Variants in HTR1F observed in about 807,000 individuals in gnomAD.
The protein encoded by HTR1F is 5-hydroxytryptamine receptor 1F.
HTR1F carries 17 observed loss-of-function variants against 24.0 expected under a neutral mutation model. The observed-to-expected ratio is 0.71, with a 90% CI of 0.48 to 1.06. The LOEUF is 1.06. Among genes scored for constraint, HTR1F ranks in the 50% least tolerant of loss-of-function variants. The pLI, the probability that HTR1F is intolerant of heterozygous loss-of-function variation, is 0.00. For missense variants in HTR1F, 391 were observed against 427.8 expected (o/e 0.91, Z 0.76); for synonymous variants, 186 against 156.8 (o/e 1.19, Z -1.39).
At chr3:87,814,561 T>C (rs1226799578) in intron 1 of HTR1F, among the ~76,000 whole-genome samples, 6 of 152,268 alleles carry the variant, frequency 3.9e-5, no homozygotes, top group Admixed American at 2.0e-4. Context: ...AACATTCTAC[T>C]CTGCTCCTTT....
chr3:87,927,315 T>C (rs1704149749), intron 2 of HTR1F, among the ~76,000 whole-genome samples: 1 of 152,076 alleles, frequency 6.6e-6, no homozygotes, highest in Non-Finnish European at 1.5e-5. Context: ...GATCACACGT[T>C]GTTTCATGTT....
chr3:87,914,759 C>A (rs1216407923), intron 2 of HTR1F, among the ~76,000 whole-genome samples: 7 of 152,070 alleles, frequency 4.6e-5, no homozygotes, highest in African/African-American at 1.2e-4. Flanking sequence ...TCCCTACCCA[C>A]CCTGGTAGCT....
At chr3:87,936,759 C>A in intron 2 of HTR1F, among the ~76,000 whole-genome samples, 1 of 152,114 alleles carries the variant, frequency 6.6e-6, no homozygotes, top group East Asian at 1.9e-4. Flanking sequence ...AGCCAGAGCT[C>A]TTAGTAGCAA....
intron 2 of HTR1F, among the ~76,000 whole-genome samples, chr3:87,881,010 G>A (rs531682210): frequency 5.4e-4 from 82 of 152,278 alleles, no homozygotes; most frequent in Admixed American, 1.3e-3. Flanking sequence ...CAGTGTGAGC[G>A]ACACAGAATA....
chr3:87,868,686 C>T (rs184979695), intron 2 of HTR1F, among the ~76,000 whole-genome samples: 48 of 151,616 alleles, frequency 3.2e-4, no homozygotes, highest in Admixed American at 8.5e-4. Flanking sequence ...AGAGAAAAAC[C>T]TCTGTCTACT....
chr3:87,938,548 G>GCTATACTACAAACTATA (rs1245250869), intron 2 of HTR1F, among the ~76,000 whole-genome samples: 1 of 152,080 alleles, frequency 6.6e-6, no homozygotes, highest in Non-Finnish European at 1.5e-5. Context: ...ATACTACAAG[G>GCTATACTACAAACTATA]CTACAGTAAT....
intron 2 of HTR1F, among the ~76,000 whole-genome samples, chr3:87,845,193 C>T (rs1704911540): frequency 6.6e-6 from 1 of 151,646 alleles, no homozygotes; most frequent in South Asian, 2.1e-4. Flanking sequence ...TGCCCTCTCT[C>T]ACCACTCCTA....
At chr3:87,973,493 C>T (rs1422383696) in intron 2 of HTR1F, among the ~76,000 whole-genome samples, 2 of 152,190 alleles carry the variant, frequency 1.3e-5, no homozygotes, top group Non-Finnish European at 2.9e-5. Context: ...ATCTTTTCTA[C>T]TCCTCCCAGG....
At chr3:87,915,907 A>G (rs1703881794) in intron 2 of HTR1F, among the ~76,000 whole-genome samples, 1 of 152,202 alleles carries the variant, frequency 6.6e-6, no homozygotes, top group South Asian at 2.1e-4. Flanking sequence ...CACTGTCATC[A>G]GGTTATCTAA....
chr3:87,929,330 T>C (rs147242769), intron 2 of HTR1F, among the ~76,000 whole-genome samples: 63 of 152,296 alleles, frequency 4.1e-4, no homozygotes, highest in Non-Finnish European at 6.9e-4. Flanking sequence ...TCCACAGTAA[T>C]ATAATTGTAT....
At chr3:87,826,408 T>C (rs997143628) in intron 2 of HTR1F, among the ~76,000 whole-genome samples, 1 of 152,244 alleles carries the variant, frequency 6.6e-6, no homozygotes, top group African/African-American at 2.4e-5. Context: ...TACCCTTGCA[T>C]ATTTTTATGA....
chr3:87,852,883 T>G (rs570352577), intron 2 of HTR1F, among the ~76,000 whole-genome samples: 1 of 151,716 alleles, frequency 6.6e-6, no homozygotes, highest in Non-Finnish European at 1.5e-5. Flanking sequence ...AATCAGAATA[T>G]TTCATTGTTC....
At chr3:87,836,712 AG>A (rs1410268705) in intron 2 of HTR1F, among the ~76,000 whole-genome samples, 2 of 152,282 alleles carry the variant, frequency 1.3e-5, no homozygotes, top group East Asian at 3.9e-4. Context: ...TACCTCCCTG[AG>A]GAAAAAGTTT....
At chr3:87,860,977 C>T (rs1238899069) in intron 2 of HTR1F, among the ~76,000 whole-genome samples, 6 of 151,998 alleles carry the variant, frequency 3.9e-5, no homozygotes, top group Middle Eastern at 3.2e-3. Context: ...GCCAACATGG[C>T]AAAACACCAT....
chr3:87,848,203 C>T (rs539390183), intron 2 of HTR1F, among the ~76,000 whole-genome samples: 70 of 151,912 alleles, frequency 4.6e-4, no homozygotes, highest in Non-Finnish European at 6.5e-4. Context: ...TTGATAATAG[C>T]CATTCGAACT....
chr3:87,927,301 T>C (rs1263313531), intron 2 of HTR1F, among the ~76,000 whole-genome samples: 1 of 152,192 alleles, frequency 6.6e-6, no homozygotes, highest in Non-Finnish European at 1.5e-5. Context: ...ATACCCTTAA[T>C]GTTGATCACA....
chr3:87,846,578 CAT>C (rs1704950100), intron 2 of HTR1F, among the ~76,000 whole-genome samples: 2 of 151,944 alleles, frequency 1.3e-5, no homozygotes, highest in Admixed American at 6.6e-5. Context: ...TAGATAGCAA[CAT>C]AGTCAGCATT....
At chr3:87,890,019 T>G (rs1442188266) in intron 2 of HTR1F, among the ~76,000 whole-genome samples, 1 of 152,226 alleles carries the variant, frequency 6.6e-6, no homozygotes, top group Non-Finnish European at 1.5e-5. Flanking sequence ...AGGATTTCAA[T>G]GGAAAGTTTA....
At chr3:87,876,361 C>T (rs1421745078) in intron 2 of HTR1F, among the ~76,000 whole-genome samples, 1 of 152,058 alleles carries the variant, frequency 6.6e-6, no homozygotes, top group Non-Finnish European at 1.5e-5. Context: ...ACCTAAATGT[C>T]CATTGATGGA....
Sources: allele counts gnomAD v4.1 joint callset (sites outside exome capture counted in the v4.1 genomes callset), GRCh38; gene constraint gnomAD v4.1.1; transcripts MANE v1.5; gene names NCBI Gene and HGNC (gene_info 2026-07-23, HGNC 2026-07-21).